The following SLC22A23 variants were observed in gnomAD, a reference collection of about 807,000 sequenced individuals.
SLC22A23 encodes ion transporter protein.
Under a neutral mutation model 61.0 loss-of-function variants are expected in SLC22A23, and 26 were observed. That is an observed-to-expected ratio of 0.43 (90% CI 0.31 to 0.59). The LOEUF is 0.59. SLC22A23 is among the 20% of genes least tolerant of loss of function. The pLI is 0.11. For missense variants in SLC22A23, 796 were observed against 934.7 expected (o/e 0.85, Z 1.94); for synonymous variants, 430 against 413.9 (o/e 1.04, Z -0.47).
intron 5 of SLC22A23, 45 bp from the exon 6 acceptor site, chr6:3,289,911 G>GAGGAC: frequency 6.5e-7 from 1 of 1,544,704 alleles, no homozygotes; most frequent in Non-Finnish European, 8.9e-7. Flanking sequence ...GCCGCCCACA[G>GAGGAC]AGGACAGGAC....
chr6:3,289,737 A>C, intron 6 of SLC22A23, 27 bp downstream of exon 6: 4 of 1,592,958 alleles, frequency 2.5e-6, no homozygotes, highest in Non-Finnish European at 3.4e-6. Context: ...CCTCCCACCC[A>C]GCTGGCACTT....
At chr6:3,438,018 C>T (rs948822340) in intron 1 of SLC22A23, among the ~76,000 whole-genome samples, 1 of 152,118 alleles carries the variant, frequency 6.6e-6, no homozygotes, top group Admixed American at 6.5e-5. Flanking sequence ...CATTTCACTC[C>T]CTCTAGCCAG....
At chr6:3,323,739 G>T in intron 4 of SLC22A23, 95 bp downstream of exon 4, 1 of 1,363,542 alleles carries the variant, frequency 7.3e-7, no homozygotes, top group Non-Finnish European at 9.9e-7. Context: ...TGCAACTAGT[G>T]GGAAGTGTGG....
chr6:3,373,142 T>A (rs1487208669), intron 3 of SLC22A23, among the ~76,000 whole-genome samples: 4 of 152,234 alleles, frequency 2.6e-5, no homozygotes, highest in African/African-American at 9.6e-5. Flanking sequence ...GAGTCTGGGA[T>A]GTTGGCATGC....
At position 3,350,266 on chromosome 6, in the gene SLC22A23, C is replaced by G. The variant is rs560779151; in HGVS notation, c.914-26264G>C. On this transcript the variant is annotated intron_variant, in intron 3 of 9. Coordinates refer to ENST00000406686, the MANE Select transcript of SLC22A23 (RefSeq NM_015482.2). The stretch of plus-strand genomic sequence containing the variant: ...GTGTCATAAACTACAGTTTTAAAAG[C>G]TGCTCTAAAGTAGGGTTGGAAAACT... 2.6e-5 allele frequency among the ~76,000 whole-genome samples: 4 copies of G among 152,242 alleles called. No individual in the cohort carries two copies. The East Asian group carries it at 7.7e-4, about 29-fold the overall frequency.
chr6:3,443,893 T>C (rs542951977), intron 1 of SLC22A23, among the ~76,000 whole-genome samples: 80 of 152,302 alleles, frequency 5.3e-4, no homozygotes, highest in Admixed American at 1.0e-3. Flanking sequence ...AGCTCACTTC[T>C]GGAGAATGGG....
intron 3 of SLC22A23, among the ~76,000 whole-genome samples, chr6:3,326,997 T>C (rs984588574): frequency 7.8e-6 from 1 of 128,740 alleles, no homozygotes; most frequent in African/African-American, 3.4e-5. Flanking sequence ...AGGTGGATCG[T>C]TTCTGCTGGG....
chr6:3,390,868 C>T lies in SLC22A23; in HGVS notation c.913+19320G>A, dbSNP rs1767618314. ...CCAATGCGGAAGCTGGAGTTCTGCC[C>T]AGAAGCCGCACCCAGAGATCTGAGG... On this transcript the variant is annotated intron_variant, in intron 3 of 9. Transcript: ENST00000406686. The surrounding 1 kb of genome is among the most constrained non-coding windows in gnomAD (Gnocchi z 4.0). Among the ~76,000 whole-genome samples, 1 of 152,176 alleles carries T rather than the reference C, an allele frequency of 6.6e-6. No homozygotes were observed. Among genetic ancestry groups the T allele is most frequent in the Admixed American group, 6.5e-5 (1 of 15,274 alleles).
At chr6:3,285,618 T>A (rs1179035220) in intron 7 of SLC22A23, among the ~76,000 whole-genome samples, 1 of 152,072 alleles carries the variant, frequency 6.6e-6, no homozygotes, top group African/African-American at 2.4e-5. Flanking sequence ...AGCAGGAGAC[T>A]CCCTGGAAGG....
Position 3,455,853 on chromosome 6 carries a change from G to A in SLC22A23, c.654+53C>T, listed in dbSNP as rs573833841. The A allele has an allele frequency of 1.3e-4, 193 of 1,454,118 alleles. No homozygotes were observed. In the African/African-American group the frequency reaches 2.6e-3, roughly 20 times the overall value. 90.1% of individuals were successfully genotyped at this position (1,454,118 alleles called of 1,614,324 possible). A position where few individuals can be genotyped will look rare whatever the true frequency, so the allele number is the denominator to read the frequency against. On this transcript the variant is annotated intron_variant, in intron 1 of 9. Coordinates refer to ENST00000406686, the MANE Select transcript of SLC22A23 (RefSeq NM_015482.2). The stretch of plus-strand genomic sequence containing the variant: ...CGGTTCTCCCGCTGGCTCGGGCTTG[G>A]ACCTCGGTCTGCAGGGAGAGGGTTG...
intron 2 of SLC22A23, among the ~76,000 whole-genome samples, chr6:3,413,315 C>T (rs998933290): frequency 1.3e-5 from 2 of 152,202 alleles, no homozygotes; most frequent in African/African-American, 4.8e-5. Context: ...TGGCAGAGAG[C>T]AAGCTGGGCA....
chr6:3,331,441 T>G (rs1763575102), intron 3 of SLC22A23, among the ~76,000 whole-genome samples: 1 of 152,114 alleles, frequency 6.6e-6, no homozygotes. Context: ...TCAATTATAG[T>G]CACCATGGAA....
chr6:3,344,440 T>A (rs1410397498), intron 3 of SLC22A23, among the ~76,000 whole-genome samples: 1 of 152,216 alleles, frequency 6.6e-6, no homozygotes, highest in African/African-American at 2.4e-5. Context: ...CTCTACTGGA[T>A]CCCTTTGATG....
chr6:3,358,422 A>G (rs906960757), intron 3 of SLC22A23, among the ~76,000 whole-genome samples: 12 of 152,216 alleles, frequency 7.9e-5, no homozygotes, highest in African/African-American at 2.7e-4. Context: ...GACACGTACG[A>G]CACGTGGATG....
rs930650963 is a variant in SLC22A23 at position 3,330,974 on chromosome 6, C to T, written c.914-6972G>A. Among the ~76,000 whole-genome samples the T allele has an allele frequency of 6.6e-6, 1 of 152,224 alleles. No individual in the cohort carries two copies. Among genetic ancestry groups the T allele is most frequent in the Non-Finnish European group, 1.5e-5 (1 of 68,042 alleles). On this transcript the variant is annotated intron_variant, in intron 3 of 9. Coordinates refer to ENST00000406686, the MANE Select transcript of SLC22A23 (RefSeq NM_015482.2). The surrounding 1 kb of genome is among the most constrained non-coding windows in gnomAD (Gnocchi z 4.7). ...CAATTGAATACCTATCATGTCTGCA[C>T]TACTAGGCGAAGTAACAGCTCTCAC...
chr6:3,335,975 G>A (rs1363795650), intron 3 of SLC22A23, among the ~76,000 whole-genome samples: 1 of 152,044 alleles, frequency 6.6e-6, no homozygotes, highest in Non-Finnish European at 1.5e-5. Context: ...TGTAGTCCCA[G>A]TTACTCGGGA....
At chr6:3,295,070 ACGCGT>A (rs144934086) in intron 5 of SLC22A23, among the ~76,000 whole-genome samples, 15,786 of 152,262 alleles carry the variant, frequency 0.1, 1,095 homozygotes, top group East Asian at 0.34. Context: ...CACACCTGCT[ACGCGT>A]CGCGTCAGGC....
chr6:3,394,719 C>T (rs1189180835), intron 3 of SLC22A23, among the ~76,000 whole-genome samples: 1 of 152,184 alleles, frequency 6.6e-6, no homozygotes, highest in East Asian at 1.9e-4. Context: ...AAAGACCAGA[C>T]CCCTTAAGTC....
intron 3 of SLC22A23, among the ~76,000 whole-genome samples, chr6:3,408,128 C>T (rs1768958228): frequency 6.6e-6 from 1 of 152,180 alleles, no homozygotes; most frequent in South Asian, 2.1e-4. Flanking sequence ...CTGTGACAGA[C>T]CATATGGCCT....
Sources: gnomAD v4.1 joint callset for allele counts (sites outside exome capture counted in the v4.1 genomes callset) on GRCh38, gnomAD v4.1.1 for gene constraint, Gnocchi (gnomAD v3.1) non-coding constraint, MANE v1.5 for transcripts, NCBI Gene and HGNC (gene_info 2026-07-23, HGNC 2026-07-21) for gene names.